Variants in MAML3 observed in about 807,000 individuals in gnomAD.
The protein encoded by MAML3 is mastermind-like protein 3.
A neutral mutation model predicts 101.9 loss-of-function variants in MAML3; 27 were observed. That is an observed-to-expected ratio of 0.27 (90% CI 0.20 to 0.37). The LOEUF is 0.37. Among genes scored for constraint, MAML3 ranks in the 10% least tolerant of loss-of-function variants. MAML3 has a pLI of 1.00. For synonymous variants in MAML3, 501 were observed against 555.9 expected, an observed-to-expected ratio of 0.90 and a Z score of 1.39; for missense variants, 1,316 against 1,444.9, an observed-to-expected ratio of 0.91 and a Z score of 1.45.
chr4:139,854,609 A>C (rs771129838), intron 2 of MAML3, among the ~76,000 whole-genome samples: 2 of 99,102 alleles, frequency 2.0e-5, no homozygotes, highest in Non-Finnish European at 5.5e-5. Context: ...GATAGTCTCA[A>C]GCTGCAGATG....
chr4:139,755,932 G>T (rs1316778247), intron 2 of MAML3, among the ~76,000 whole-genome samples: 2 of 152,160 alleles, frequency 1.3e-5, no homozygotes, highest in African/African-American at 4.8e-5. Context: ...AATAGTTTTT[G>T]CAAATTTGAA....
intron 2 of MAML3, among the ~76,000 whole-genome samples, chr4:139,786,697 G>A (rs964967838): frequency 1.8e-4 from 27 of 152,124 alleles, no homozygotes; most frequent in African/African-American, 6.5e-4. Context: ...CAGTACTGCC[G>A]TCACCGGGCA....
intron 1 of MAML3, among the ~76,000 whole-genome samples, chr4:139,902,890 C>T (rs1223358000): frequency 6.6e-6 from 1 of 152,176 alleles, no homozygotes; most frequent in African/African-American, 2.4e-5. Context: ...CCCTTTAGTG[C>T]CCCTTTAAGA....
intron 1 of MAML3, among the ~76,000 whole-genome samples, chr4:140,083,659 T>C (rs1360427048): frequency 1.3e-5 from 2 of 152,206 alleles, no homozygotes; most frequent in African/African-American, 2.4e-5. Context: ...CCAGTTATTC[T>C]TTAGTTTTAC....
At position 139,730,654 on chromosome 4, in the gene MAML3, A is replaced by G. The variant is rs754345171; in HGVS notation, c.2093T>C (p.Val698Ala). The G allele has an allele frequency of 3.7e-6, 6 of 1,612,336 alleles. No homozygotes were observed. Among genetic ancestry groups the G allele is most frequent in the Non-Finnish European group, 5.1e-6 (6 of 1,179,034 alleles). Residue 698 changes from valine to alanine, a missense_variant, in exon 3 of 5, where the codon GTT becomes GCT. By Grantham distance (64) the Val-to-Ala change is moderately conservative. Coordinates refer to ENST00000509479, the MANE Select transcript of MAML3 (RefSeq NM_018717.5). ...GGGGCCTGTGGTTCGGGGAAGTCCA[A>G]CTGGATGCTGCTCCTGGGAAGACAA... ...LPSHGQEQHP[V>A]GLPRTTGPMQ...
chr4:139,961,873 G>A (rs1471246234), intron 1 of MAML3, among the ~76,000 whole-genome samples: 1 of 152,150 alleles, frequency 6.6e-6, no homozygotes, highest in African/African-American at 2.4e-5. Flanking sequence ...CAGCACTTTG[G>A]GAGGTTGAGG....
chr4:139,885,097 A>C (rs534328729), intron 2 of MAML3, among the ~76,000 whole-genome samples: 1 of 152,328 alleles, frequency 6.6e-6, no homozygotes, highest in Admixed American at 6.5e-5. Flanking sequence ...CGTTCCCATC[A>C]CATAGAAATA....
chr4:140,152,740 C>T, intron 1 of MAML3, 120 bp downstream of exon 1: 1 of 1,461,822 alleles, frequency 6.8e-7, no homozygotes, highest in East Asian at 2.4e-5. Flanking sequence ...TAGGCTTCAG[C>T]CCACCTCACC....
chr4:139,754,679 AC>A (rs1355276485), intron 2 of MAML3, among the ~76,000 whole-genome samples: 2 of 152,142 alleles, frequency 1.3e-5, no homozygotes, highest in Non-Finnish European at 1.5e-5. Context: ...ATTATCAAAT[AC>A]CCTCTGGAAA....
intron 1 of MAML3, among the ~76,000 whole-genome samples, chr4:140,073,349 G>A (rs1727697614): frequency 6.6e-6 from 1 of 151,988 alleles, no homozygotes; most frequent in Non-Finnish European, 1.5e-5. Flanking sequence ...TGTCGGCCAG[G>A]CTGGTCTCAA....
chr4:139,969,372 T>C (rs1034067829), intron 1 of MAML3, among the ~76,000 whole-genome samples: 2 of 152,090 alleles, frequency 1.3e-5, no homozygotes, highest in Non-Finnish European at 2.9e-5. Context: ...ACTTCACCCC[T>C]GCTCCCTTCT....
intron 1 of MAML3, among the ~76,000 whole-genome samples, chr4:140,055,326 A>G (rs1374302282): frequency 1.3e-5 from 2 of 152,230 alleles, no homozygotes; most frequent in Non-Finnish European, 2.9e-5. Flanking sequence ...CAGGCTTGGT[A>G]TGTATGATAA....
At chr4:140,058,539 A>G (rs909686371) in intron 1 of MAML3, among the ~76,000 whole-genome samples, 3 of 147,038 alleles carry the variant, frequency 2.0e-5, no homozygotes, top group Admixed American at 6.9e-5. Flanking sequence ...TATATATAAT[A>G]AAATTATATT....
chr4:139,892,763 A>T (rs1732527094), intron 1 of MAML3, among the ~76,000 whole-genome samples: 1 of 149,612 alleles, frequency 6.7e-6, no homozygotes, highest in South Asian at 2.1e-4. Context: ...ATCTGTGCTT[A>T]AAAAAAAAAT....
At position 139,920,781 on chromosome 4, in the gene MAML3, G is replaced by A. The variant is rs551359350; in HGVS notation, c.469-29814C>T. On this transcript the variant is annotated intron_variant, in intron 1 of 4. Coordinates refer to ENST00000509479, the MANE Select transcript of MAML3 (RefSeq NM_018717.5). Reference sequence around the variant, plus strand: ...TTTCCTCCCAGGAGGCCCCAGTCCCGGCACTGGAGTCCGCAGGATGACTGT... The same window carrying A: ...TTTCCTCCCAGGAGGCCCCAGTCCCAGCACTGGAGTCCGCAGGATGACTGT... 3.3e-5 allele frequency among the ~76,000 whole-genome samples: 5 copies of A among 152,284 alleles called. No homozygotes were observed. In the South Asian group the frequency reaches 6.2e-4, roughly 19 times the overall value.
At position 140,137,272 on chromosome 4, in the gene MAML3, G is replaced by A. The variant is rs548482387; in HGVS notation, c.468+15588C>T. On this transcript the variant is annotated intron_variant, in intron 1 of 4. Coordinates refer to ENST00000509479, the MANE Select transcript of MAML3 (RefSeq NM_018717.5). ...CAAAGTGCTGGGATTACAGGCGTGA[G>A]CCACCGCGCCCGGCCTAAAGAAGAT... Among the ~76,000 whole-genome samples, 5 of 152,370 alleles carry A rather than the reference G, an allele frequency of 3.3e-5. No homozygotes were observed. The South Asian group carries it at 8.3e-4, about 25-fold the overall frequency.
At chr4:139,780,875 C>T (rs996253409) in intron 2 of MAML3, among the ~76,000 whole-genome samples, 12 of 152,138 alleles carry the variant, frequency 7.9e-5, no homozygotes, top group African/African-American at 2.7e-4. Flanking sequence ...GTGATCTGCT[C>T]GCCTTGGCTG....
chr4:139,929,003 C>G (rs962623665), intron 1 of MAML3, among the ~76,000 whole-genome samples: 1 of 152,118 alleles, frequency 6.6e-6, no homozygotes, highest in South Asian at 2.1e-4. Context: ...ATTTTGACAA[C>G]AAATTTGATA....
At chr4:140,028,118 T>C (rs1726855383) in intron 1 of MAML3, among the ~76,000 whole-genome samples, 2 of 152,204 alleles carry the variant, frequency 1.3e-5, no homozygotes, top group South Asian at 4.1e-4. Context: ...CTAATTCTAT[T>C]TAGAAATTAA....
Sources: allele counts gnomAD v4.1 joint callset (sites outside exome capture counted in the v4.1 genomes callset), GRCh38; gene constraint gnomAD v4.1.1; transcripts MANE v1.5; gene names NCBI Gene and HGNC (gene_info 2026-07-23, HGNC 2026-07-21).